Variants in FRMPD4 observed in about 807,000 individuals in gnomAD.
The protein encoded by FRMPD4 is FERM and PDZ domain-containing protein 4.
Under a neutral mutation model 94.1 loss-of-function variants are expected in FRMPD4, and 22 were observed. The ratio of observed to expected loss-of-function variants is 0.23; its 90% CI spans 0.17 to 0.33. FRMPD4 has a LOEUF of 0.33. FRMPD4 is among the 10% of genes least tolerant of loss of function. The pLI, the probability that FRMPD4 is intolerant of heterozygous loss-of-function variation, is 1.00. For missense variants in FRMPD4, 1,111 were observed against 1,339.9 expected, an observed-to-expected ratio of 0.83 and a Z score of 2.67; for synonymous variants, 631 against 548.6, an observed-to-expected ratio of 1.15 and a Z score of -2.10.
intron 1 of FRMPD4, among the ~76,000 whole-genome samples, chrX:12,218,018 CCAAG>C (rs2056826253): frequency 9.0e-6 from 1 of 111,408 alleles, no homozygotes; most frequent in Non-Finnish European, 1.9e-5. Context: ...TCAGGAGAAA[CCAAG>C]CTACCTCTTA....
At chrX:12,056,833 A>G (rs5935230) in intron 3 of FRMPD4, among the ~76,000 whole-genome samples, 16,969 of 111,269 alleles carry the variant, frequency 0.15, 1,430 homozygotes, top group African/African-American at 0.3. Flanking sequence ...CTGTATTGAT[A>G]GGTATATGGG....
At chrX:12,369,018 G>T in intron 1 of FRMPD4, among the ~76,000 whole-genome samples, 1 of 110,055 alleles carries the variant, frequency 9.1e-6, no homozygotes, top group Middle Eastern at 4.6e-3. Context: ...CCTTTCCTCT[G>T]CCCCGCCCTT....
intron 1 of FRMPD4, among the ~76,000 whole-genome samples, chrX:12,269,933 A>G (rs1467511211): frequency 8.9e-6 from 1 of 112,435 alleles, no homozygotes; most frequent in Non-Finnish European, 1.9e-5. Flanking sequence ...AGGTTGGCAT[A>G]GGTGAGGGGA....
At chrX:12,417,562 A>G (rs1388489788) in intron 1 of FRMPD4, among the ~76,000 whole-genome samples, 1 of 95,875 alleles carries the variant, frequency 1.0e-5, no homozygotes, top group Non-Finnish European at 2.1e-5. Flanking sequence ...CTGGGGGACA[A>G]GAGCAAGACT....
intron 1 of FRMPD4, among the ~76,000 whole-genome samples, chrX:12,439,654 A>G (rs2057112466): frequency 8.9e-6 from 1 of 111,784 alleles, no homozygotes; most frequent in African/African-American, 3.3e-5. Context: ...TTCTTTTATA[A>G]CCCTTGAAAT....
chrX:12,520,691 C>T (rs963392825), intron 2 of FRMPD4, among the ~76,000 whole-genome samples: 1 of 111,703 alleles, frequency 9.0e-6, no homozygotes, highest in Non-Finnish European at 1.9e-5. Context: ...TCACATTGGC[C>T]ATTCAGAAGA....
At chrX:12,678,877 T>C (rs2059931971) in intron 5 of FRMPD4, among the ~76,000 whole-genome samples, 1 of 112,475 alleles carries the variant, frequency 8.9e-6, no homozygotes, top group African/African-American at 3.2e-5. Context: ...CCCAACTCAA[T>C]GGGACTTGAG....
At chrX:12,591,630 T>C (rs1468085643) in intron 2 of FRMPD4, among the ~76,000 whole-genome samples, 1 of 112,087 alleles carries the variant, frequency 8.9e-6, no homozygotes, top group Non-Finnish European at 1.9e-5. Context: ...GTTAAGTCAT[T>C]GTGATCAAGA....
chrX:12,512,545 C>G lies in FRMPD4; in HGVS notation c.158+13749C>G, dbSNP rs141589456. Among the ~76,000 whole-genome samples, 345 of 112,881 alleles carry G rather than the reference C, an allele frequency of 3.1e-3. 2 individuals are homozygous for G. The highest frequency in any genetic ancestry group is 0.011 in the African/African-American group (329 of 31,123). ...GCTCCATCCATGTCCCTGCAAAGGA[C>G]AAGATCTCATTCCTTTTTATGGCTG... is the stretch of plus-strand genomic sequence containing the variant. On this transcript the variant is annotated intron_variant, in intron 2 of 16. Transcript: ENST00000675598.
At position 12,053,106 on chromosome X, in the gene FRMPD4, G is replaced by A. The variant is rs1011113552; in HGVS notation, c.95+175088G>A. Among the ~76,000 whole-genome samples the A allele has an allele frequency of 9.1e-5, 10 of 110,230 alleles. No individual in the cohort carries two copies. The Admixed American group carries it at 9.9e-4, about 11-fold the overall frequency. On this transcript the variant is annotated intron_variant, in intron 3 of 18. Coordinates refer to the FRMPD4 transcript ENST00000640291. ...TAATCCCAGCATTTTGGGAGACTGA[G>A]GCGGGCTGATCACTTGAGGTCAGGA...
intron 1 of FRMPD4, among the ~76,000 whole-genome samples, chrX:12,336,257 T>C (rs1364655030): frequency 9.8e-5 from 11 of 111,731 alleles, no homozygotes; most frequent in African/African-American, 3.3e-4. Flanking sequence ...CTCTGTCCAA[T>C]TTCAACTGGA....
intron 1 of FRMPD4, among the ~76,000 whole-genome samples, chrX:11,861,413 C>T (rs1248206896): frequency 1.8e-5 from 2 of 109,449 alleles, no homozygotes; most frequent in Non-Finnish European, 3.8e-5. Flanking sequence ...ATAGTTCCTG[C>T]TTATCTCATA....
At chrX:11,998,557 C>A (rs1258794519) in intron 3 of FRMPD4, among the ~76,000 whole-genome samples, 1 of 111,344 alleles carries the variant, frequency 9.0e-6, no homozygotes, top group Non-Finnish European at 1.9e-5. Flanking sequence ...TCCAATTTGG[C>A]TACCATCGCA....
intron 3 of FRMPD4, among the ~76,000 whole-genome samples, chrX:11,933,727 A>G (rs757542222): frequency 1.8e-5 from 2 of 112,061 alleles, no homozygotes; most frequent in South Asian, 7.5e-4. Flanking sequence ...ATATTTGGTG[A>G]CGTTATTGAG....
chrX:11,847,226 T>A (rs1335078450), intron 1 of FRMPD4, among the ~76,000 whole-genome samples: 1 of 110,518 alleles, frequency 9.0e-6, no homozygotes, highest in African/African-American at 3.3e-5. Flanking sequence ...GCGAAGGATA[T>A]GAACAGACAC....
At chrX:11,876,420 A>G (rs1231714820) in intron 2 of FRMPD4, among the ~76,000 whole-genome samples, 1 of 109,594 alleles carries the variant, frequency 9.1e-6, no homozygotes, top group Admixed American at 9.8e-5. Context: ...GATAACAGTT[A>G]CACAATTGGG....
chrX:12,495,942 G>A (rs1304837275), intron 1 of FRMPD4, among the ~76,000 whole-genome samples: 1 of 111,127 alleles, frequency 9.0e-6, no homozygotes, highest in Non-Finnish European at 1.9e-5. Context: ...GGAAACCACT[G>A]ATTTGGGTGA....
intron 1 of FRMPD4, among the ~76,000 whole-genome samples, chrX:12,367,699 A>T (rs1313978141): frequency 9.0e-6 from 1 of 111,416 alleles, no homozygotes; most frequent in East Asian, 2.8e-4. Flanking sequence ...TGTAAAACTG[A>T]TGGACCTGGT....
intron 1 of FRMPD4, among the ~76,000 whole-genome samples, chrX:12,188,806 C>T (rs1174641494): frequency 9.0e-6 from 1 of 111,363 alleles, no homozygotes; most frequent in Non-Finnish European, 1.9e-5. Context: ...GTAGGTGGTG[C>T]ATCAAATTAT....
Sources: allele counts gnomAD v4.1 joint callset (sites outside exome capture counted in the v4.1 genomes callset), GRCh38; gene constraint gnomAD v4.1.1; transcripts MANE v1.5; gene names NCBI Gene and HGNC (gene_info 2026-07-23, HGNC 2026-07-21).